The following LMCD1 variants were observed in gnomAD, a reference collection of about 807,000 sequenced individuals.
The protein encoded by LMCD1 is LIM and cysteine-rich domains protein 1.
Under a neutral mutation model 42.7 loss-of-function variants are expected in LMCD1, and 32 were observed. That is an observed-to-expected ratio of 0.75 (90% confidence interval 0.57 to 1.01). The LOEUF is 1.01. Among genes scored for constraint, LMCD1 ranks in the 50% least tolerant of loss-of-function variants. LMCD1 has a pLI of 0.00. For synonymous variants in LMCD1, 178 were observed against 184.9 expected, an observed-to-expected ratio of 0.96 and a Z score of 0.30; for missense variants, 458 against 483.1, an observed-to-expected ratio of 0.95 and a Z score of 0.49.
chr3:8,519,174 A>G (rs1038585470), intron 1 of LMCD1, among the ~76,000 whole-genome samples: 5 of 152,224 alleles, frequency 3.3e-5, no homozygotes, highest in Admixed American at 1.3e-4. Flanking sequence ...GAGGAGTTAT[A>G]TACATAATTA....
At chr3:8,566,226 T>C (rs1695130560) in intron 5 of LMCD1, among the ~76,000 whole-genome samples, 1 of 152,192 alleles carries the variant, frequency 6.6e-6, no homozygotes, top group Admixed American at 6.5e-5. Flanking sequence ...ATAGAGATGC[T>C]ATGAAAGAGA....
At chr3:8,539,007 C>G (rs571101410) in intron 3 of LMCD1, among the ~76,000 whole-genome samples, 1 of 152,168 alleles carries the variant, frequency 6.6e-6, no homozygotes, top group Non-Finnish European at 1.5e-5. Context: ...AATGTTACAG[C>G]AATTTGACAT....
intron 1 of LMCD1, among the ~76,000 whole-genome samples, chr3:8,531,353 A>G (rs1014056544): frequency 1.3e-5 from 2 of 152,118 alleles, no homozygotes; most frequent in African/African-American, 4.8e-5. Flanking sequence ...CACCTCCTCT[A>G]AGAAGAAGTA....
At chr3:8,521,370 T>G (rs73018373) in intron 1 of LMCD1, among the ~76,000 whole-genome samples, 1,586 of 152,328 alleles carry the variant, frequency 0.01, 19 homozygotes, top group South Asian at 0.036. Context: ...TGGAACTTTT[T>G]GCCTCGTTCC....
At chr3:8,557,427 A>G (rs577729565) in intron 4 of LMCD1, among the ~76,000 whole-genome samples, 1 of 152,352 alleles carries the variant, frequency 6.6e-6, no homozygotes, top group African/African-American at 2.4e-5. Context: ...TGAGATTTCC[A>G]CGAGGCACTC....
chr3:8,536,924 G>A (rs1231801062), intron 2 of LMCD1, among the ~76,000 whole-genome samples: 1 of 152,174 alleles, frequency 6.6e-6, no homozygotes, highest in East Asian at 1.9e-4. Context: ...GCAACCACCA[G>A]GAGGGAAAAC....
intron 1 of LMCD1, among the ~76,000 whole-genome samples, chr3:8,524,485 C>G (rs770537012): frequency 2.0e-5 from 3 of 152,290 alleles, no homozygotes; most frequent in Admixed American, 6.5e-5. Flanking sequence ...GCACCAAAAC[C>G]TGTGGGGCAG....
In LMCD1 at chr3:8,537,441, G is replaced by A; in HGVS notation, c.387+1G>A. On this transcript the variant is annotated splice_donor_variant, in intron 3 of 5. Transcript: ENST00000157600. LOFTEE classifies it high-confidence loss of function. ...TCCCCCTGGAGTCACCCAGAAACTGGTAAGAGAGCTTCCCCAACCAAGCAG... is the reference window on the plus strand; with the variant it reads ...TCCCCCTGGAGTCACCCAGAAACTGATAAGAGAGCTTCCCCAACCAAGCAG... 6.4e-7 allele frequency: 1 copy of A among 1,562,814 alleles called. No homozygotes were observed. Among genetic ancestry groups the A allele is most frequent in the Non-Finnish European group, 8.7e-7 (1 of 1,151,852 alleles).
intron 1 of LMCD1, among the ~76,000 whole-genome samples, chr3:8,526,068 T>G (rs1694294178): frequency 6.6e-6 from 1 of 152,200 alleles, no homozygotes; most frequent in Non-Finnish European, 1.5e-5. Flanking sequence ...AACCAGAGTG[T>G]GCATTTGAGC....
At chr3:8,502,569 TACACACACACACACACACAC>T (rs5846600) in intron 1 of LMCD1, among the ~76,000 whole-genome samples, 56,600 of 134,264 alleles carry the variant, frequency 0.42, 12,532 homozygotes, top group Non-Finnish European at 0.51. Context: ...TTTCCCCCAA[TACACACACACACACACACAC>T]ACACACACAC....
At chr3:8,514,160 T>A (rs879489530) in intron 1 of LMCD1, among the ~76,000 whole-genome samples, 6 of 152,192 alleles carry the variant, frequency 3.9e-5, no homozygotes, top group Admixed American at 3.9e-4. Flanking sequence ...AATATATAAA[T>A]AACTTCTACA....
At chr3:8,566,016 T>C (rs1232532263) in intron 5 of LMCD1, among the ~76,000 whole-genome samples, 3 of 152,226 alleles carry the variant, frequency 2.0e-5, no homozygotes, top group Non-Finnish European at 4.4e-5. Flanking sequence ...CAGCTGAGTC[T>C]CAGTTTTACT....
At position 8,519,019 on chromosome 3, in the gene LMCD1, T is replaced by C. The variant is rs142784202; in HGVS notation, c.43-13718T>C. Among the ~76,000 whole-genome samples the C allele has an allele frequency of 3.4e-3, 525 of 152,242 alleles. 1 individual carries two copies. Among genetic ancestry groups the C allele is most frequent in the Non-Finnish European group, 4.7e-3 (323 of 68,014 alleles). ...CATAGATGAGGGCATGGGTGAAGCA[T>C]AGATGAAGGTGTTTTATATAAATGT... On this transcript the variant is annotated intron_variant, in intron 1 of 5. Transcript: ENST00000157600.
intron 5 of LMCD1, 94 bp from the exon 6 acceptor site, chr3:8,567,346 G>A (rs1211209307): frequency 4.7e-6 from 6 of 1,268,632 alleles, no homozygotes; most frequent in African/African-American, 4.5e-5. Context: ...AGAATAGGAT[G>A]GGATGAACCA....
intron 1 of LMCD1, among the ~76,000 whole-genome samples, chr3:8,510,962 G>T (rs1226040907): frequency 6.6e-6 from 1 of 152,186 alleles, no homozygotes; most frequent in East Asian, 1.9e-4. Context: ...ACACATCTAT[G>T]CATAGGTAAA....
At chr3:8,503,600 A>G (rs1351644362) in intron 1 of LMCD1, among the ~76,000 whole-genome samples, 2 of 152,210 alleles carry the variant, frequency 1.3e-5, no homozygotes, top group East Asian at 3.8e-4. Flanking sequence ...CCCTGTTTGA[A>G]CATAGCACAC....
chr3:8,505,125 G>A (rs576548913), intron 1 of LMCD1, among the ~76,000 whole-genome samples: 135 of 152,294 alleles, frequency 8.9e-4, no homozygotes, highest in Non-Finnish European at 1.5e-3. Flanking sequence ...TGGTGGTGGC[G>A]GTACATTTCA....
At chr3:8,532,849 C>G in intron 2 of LMCD1, 24 bp downstream of exon 2, 1 of 1,589,360 alleles carries the variant, frequency 6.3e-7, no homozygotes, top group Non-Finnish European at 8.6e-7. Flanking sequence ...TCAGGAGGGT[C>G]CCTGTCTGCC....
intron 2 of LMCD1, among the ~76,000 whole-genome samples, chr3:8,533,620 C>T (rs1694455270): frequency 6.6e-6 from 1 of 152,212 alleles, no homozygotes; most frequent in South Asian, 2.1e-4. Flanking sequence ...GCAATACTGA[C>T]TTCCATTATG....
Sources: gnomAD v4.1 joint callset for allele counts (sites outside exome capture counted in the v4.1 genomes callset) on GRCh38, gnomAD v4.1.1 for gene constraint, MANE v1.5 for transcripts, NCBI Gene and HGNC (gene_info 2026-07-23, HGNC 2026-07-21) for gene names.